ABLIM2: variants seen among roughly 807,000 people sequenced by gnomAD.
ABLIM2 encodes actin binding LIM protein family member 2.
Under a neutral mutation model 97.7 loss-of-function variants are expected in ABLIM2, and 53 were observed. That is an observed-to-expected ratio of 0.54 (90% CI 0.44 to 0.68). The LOEUF (loss-of-function observed/expected upper bound fraction) is 0.68, where lower values mean the gene tolerates loss of function less well. Among genes scored for constraint, ABLIM2 ranks in the 30% least tolerant of loss-of-function variants. The probability of loss-of-function intolerance (pLI) is 0.00; values close to 1 mark genes in which losing one functional copy is unlikely to be tolerated. For synonymous variants in ABLIM2, 361 were observed against 345.8 expected (o/e 1.04, Z -0.49); for missense variants, 835 against 867.2 (o/e 0.96, Z 0.47).
In ABLIM2 at chr4:8,002,529, C is replaced by T. The variant is rs1757926772; in HGVS notation, c.1618+5530G>A. ...AGAAAATGCAACATCTCCTGTCACG[C>T]TCGTGTCGTGCTGACGTTCCCCTCC... is the stretch of plus-strand genomic sequence containing the variant. On this transcript the variant is annotated intron_variant, in intron 16 of 20. Coordinates refer to ENST00000447017, the MANE Select transcript of ABLIM2 (RefSeq NM_001130083.2). The surrounding 1 kb of genome is among the most constrained non-coding windows in gnomAD (Gnocchi z 6.1). 6.6e-6 allele frequency among the ~76,000 whole-genome samples: 1 copy of T among 152,210 alleles called. No homozygotes were observed. Among genetic ancestry groups the T allele is most frequent in the East Asian group, 1.9e-4 (1 of 5,192 alleles).
Position 8,058,623 on chromosome 4 carries a change from C to T in ABLIM2, c.763+2344G>A, listed in dbSNP as rs912441883. Among the ~76,000 whole-genome samples, 1 of 152,194 alleles carries T rather than the reference C, an allele frequency of 6.6e-6. No homozygotes were observed. The highest frequency in any genetic ancestry group is 2.1e-4 in the South Asian group (1 of 4,830). Reference sequence around the variant, plus strand: ...AATCCATCATCAAGTCTGGGGGCTGCACTCCAGCACATGGCCCCTGTCCCA... The same window carrying T: ...AATCCATCATCAAGTCTGGGGGCTGTACTCCAGCACATGGCCCCTGTCCCA... On this transcript the variant is annotated intron_variant, in intron 7 of 20. Transcript: ENST00000447017. This position sits in a 1 kb window ranked among gnomAD's most constrained non-coding sequence, Gnocchi z 4.2.
chr4:7,967,177 C>T (rs983063383), intron 20 of ABLIM2, 74 bp from the exon 21 acceptor site: 18 of 1,258,018 alleles, frequency 1.4e-5, no homozygotes, highest in African/African-American at 8.9e-5. Flanking sequence ...AGTTTGCTGC[C>T]GCCAAGCAAT....
At chr4:7,982,648 TG>T (rs1490576583) in intron 20 of ABLIM2, among the ~76,000 whole-genome samples, 1 of 152,158 alleles carries the variant, frequency 6.6e-6, no homozygotes, top group Non-Finnish European at 1.5e-5. Context: ...GGTGGGAAGC[TG>T]GGGCAGTTTA....
At chr4:8,097,960 C>T (rs1832586647) in intron 2 of ABLIM2, among the ~76,000 whole-genome samples, 1 of 152,212 alleles carries the variant, frequency 6.6e-6, no homozygotes. Context: ...AAGCTGAAGC[C>T]CTGGAGCTCC....
At chr4:8,134,428 C>A (rs10026316) in intron 1 of ABLIM2, among the ~76,000 whole-genome samples, 5 of 152,094 alleles carry the variant, frequency 3.3e-5, no homozygotes, top group African/African-American at 1.2e-4. Flanking sequence ...CCCTCCCTCT[C>A]CACACCCACA....
At chr4:8,133,162 C>T (rs536764292) in intron 1 of ABLIM2, among the ~76,000 whole-genome samples, 4 of 152,342 alleles carry the variant, frequency 2.6e-5, no homozygotes, top group East Asian at 3.9e-4. Context: ...CTCCTCCCTG[C>T]GTGAGTTCAC....
At chr4:8,106,149 G>A (rs1310357930) in intron 2 of ABLIM2, among the ~76,000 whole-genome samples, 2 of 152,216 alleles carry the variant, frequency 1.3e-5, no homozygotes, top group Non-Finnish European at 2.9e-5. Context: ...TCATGCGGCT[G>A]ACCATGACCG....
intron 2 of ABLIM2, among the ~76,000 whole-genome samples, chr4:8,103,025 G>A (rs1273935261): frequency 2.0e-5 from 3 of 152,230 alleles, no homozygotes; most frequent in Admixed American, 6.5e-5. Context: ...CGGTGAGAAC[G>A]TGATGTTGGA....
At position 8,012,972 on chromosome 4, in the gene ABLIM2, C is replaced by A. The variant is rs147022525; in HGVS notation, c.1424-3870G>T. Among the ~76,000 whole-genome samples the A allele has an allele frequency of 1.1e-3, 165 of 152,308 alleles. No individual in the cohort carries two copies. The Middle Eastern group carries it at 0.014, about 13-fold the overall frequency. Reference sequence around the variant, plus strand: ...CTCCCTGTGCTGAGTGCCTACTGTGCACTGTACTGTCTTAAGAATGGGGGA... The same window carrying A: ...CTCCCTGTGCTGAGTGCCTACTGTGAACTGTACTGTCTTAAGAATGGGGGA... On this transcript the variant is annotated intron_variant, in intron 14 of 20. Coordinates refer to ENST00000447017, the MANE Select transcript of ABLIM2 (RefSeq NM_001130083.2).
intron 10 of ABLIM2, among the ~76,000 whole-genome samples, chr4:8,035,652 G>A (rs575525725): frequency 5.9e-5 from 9 of 152,312 alleles, no homozygotes; most frequent in South Asian, 2.1e-4. Context: ...TAGGAACGCC[G>A]TCCACAGGCA....
intron 9 of ABLIM2, among the ~76,000 whole-genome samples, chr4:8,038,180 G>A (rs1203639826): frequency 1.3e-5 from 2 of 152,138 alleles, no homozygotes; most frequent in African/African-American, 4.8e-5. Context: ...ATGCCACAAA[G>A]GGGTGCTCAC....
At position 8,019,160 on chromosome 4, in the gene ABLIM2, C is replaced by G. The variant is rs981597183; in HGVS notation, c.1423+458G>C. On this transcript the variant is annotated intron_variant, in intron 14 of 20. Transcript: ENST00000447017. This position sits in a 1 kb window ranked among gnomAD's most constrained non-coding sequence, Gnocchi z 4.3. ...AAGGCAAGGTCACCCATCCCATCAT[C>G]AGAAATTCTCAAAACTCAAGACTAA... 6.6e-6 allele frequency among the ~76,000 whole-genome samples: 1 copy of G among 152,228 alleles called. No homozygotes were observed. The highest frequency in any genetic ancestry group is 2.4e-5 in the African/African-American group (1 of 41,454).
At chr4:8,059,540 A>C (rs1801503206) in intron 7 of ABLIM2, among the ~76,000 whole-genome samples, 2 of 151,950 alleles carry the variant, frequency 1.3e-5, no homozygotes, top group Non-Finnish European at 1.5e-5. Flanking sequence ...ACTTGACATA[A>C]CTATGCCTCC....
At chr4:8,045,564 G>A (rs1454859396) in intron 8 of ABLIM2, among the ~76,000 whole-genome samples, 1 of 152,164 alleles carries the variant, frequency 6.6e-6, no homozygotes, top group African/African-American at 2.4e-5. Flanking sequence ...CAGGAGAATC[G>A]CTTAAACCTG....
At chr4:8,105,103 A>C (rs1836615182) in intron 2 of ABLIM2, among the ~76,000 whole-genome samples, 1 of 152,118 alleles carries the variant, frequency 6.6e-6, no homozygotes, top group African/African-American at 2.4e-5. Flanking sequence ...CCTCTTTCTG[A>C]AACACAGTCA....
In ABLIM2 at chr4:8,033,446, T is replaced by C. The variant is rs1434768862; in HGVS notation, c.1047+2703A>G. On this transcript the variant is annotated intron_variant, in intron 10 of 20. Coordinates refer to ENST00000447017, the MANE Select transcript of ABLIM2 (RefSeq NM_001130083.2). The surrounding 1 kb of genome is among the most constrained non-coding windows in gnomAD (Gnocchi z 4.5). ...GAAGGCCATGGGTGGAATGATGGAA[T>C]CAAGGGAGAAACCCTCAGGCTGCTC... 6.6e-6 allele frequency among the ~76,000 whole-genome samples: 1 copy of C among 152,108 alleles called. No individual in the cohort carries two copies. The highest frequency in any genetic ancestry group is 2.4e-5 in the African/African-American group (1 of 41,410).
chr4:8,097,193 G>C lies in ABLIM2; in HGVS notation c.244C>G (p.Arg82Gly). The change falls in exon 3 of 21, where the codon CGC becomes GGC. Residue 82 changes from arginine to glycine, a missense_variant. Physicochemically the swap from Arg to Gly is moderately radical, Grantham distance 125. Coordinates refer to ENST00000447017, the MANE Select transcript of ABLIM2 (RefSeq NM_001130083.2). ...ATGAACTGGTCGCAGCTGAAGCAGC[G>C]GGTGCCGTAGAGCCTCTGGTAGTCC... ...TLDYQRLYGT[R>G]CFSCDQFIEG... The C allele has an allele frequency of 6.3e-7, 1 of 1,597,862 alleles. No individual in the cohort carries two copies. The highest frequency in any genetic ancestry group is 8.5e-7 in the Non-Finnish European group (1 of 1,172,824).
At chr4:8,042,974 G>T (rs1048764263) in intron 9 of ABLIM2, among the ~76,000 whole-genome samples, 1 of 151,530 alleles carries the variant, frequency 6.6e-6, no homozygotes, top group Non-Finnish European at 1.5e-5. Context: ...AACATAAAAA[G>T]ACCTCATCTC....
At position 8,021,869 on chromosome 4, in the gene ABLIM2, C is replaced by T. The variant is rs1299213764; in HGVS notation, c.1268-1566G>A. On this transcript the variant is annotated intron_variant, in intron 12 of 20. Coordinates refer to ENST00000447017, the MANE Select transcript of ABLIM2 (RefSeq NM_001130083.2). The surrounding 1 kb of genome is among the most constrained non-coding windows in gnomAD (Gnocchi z 5.5). ...CAGATAACTGCCCTTCCCTTAGCAA[C>T]CTCCCTCCAGAACAGCATGGAACCT... Among the ~76,000 whole-genome samples, 5 of 152,252 alleles carry T rather than the reference C, an allele frequency of 3.3e-5. No homozygotes were observed. Among genetic ancestry groups the T allele is most frequent in the Admixed American group, 2.6e-4 (4 of 15,288 alleles).
Sources: allele counts gnomAD v4.1 joint callset (sites outside exome capture counted in the v4.1 genomes callset), GRCh38; gene constraint gnomAD v4.1.1; non-coding constraint Gnocchi (gnomAD v3.1); transcripts MANE v1.5; gene names NCBI Gene and HGNC (gene_info 2026-07-23, HGNC 2026-07-21).